The following CCDC149 variants were observed in gnomAD, a reference collection of about 807,000 sequenced individuals.
The protein encoded by CCDC149 is coiled-coil domain containing 149, also known as coiled-coil domain-containing protein 149.
CCDC149 carries 45 observed loss-of-function variants against 59.9 expected under a neutral mutation model. The observed-to-expected ratio is 0.75, with a 90% CI of 0.59 to 0.96. The LOEUF (loss-of-function observed/expected upper bound fraction) is 0.96, where lower values mean the gene tolerates loss of function less well. Ranked by LOEUF, CCDC149 falls within the 40% of genes least tolerant of loss-of-function variation. The pLI is 0.00. For synonymous variants in CCDC149, 245 were observed against 260.6 expected (o/e 0.94, Z 0.58); for missense variants, 584 against 664.7 (o/e 0.88, Z 1.33).
At chr4:24,838,112 C>G (rs1280893432) in intron 5 of CCDC149, 44 bp downstream of exon 5, 2 of 1,414,548 alleles carry the variant, frequency 1.4e-6, no homozygotes, top group African/African-American at 2.8e-5. Context: ...TTGTGTCCAG[C>G]TGTGCAAATG....
intron 3 of CCDC149, among the ~76,000 whole-genome samples, chr4:24,856,973 G>T (rs1334097902): frequency 1.3e-5 from 2 of 152,220 alleles, no homozygotes; most frequent in Non-Finnish European, 2.9e-5. Context: ...GCACATTCAG[G>T]TGAATCTCAG....
chr4:24,836,545 G>A lies in CCDC149; in HGVS notation c.663-37C>T. ...TACATAAAACTAGGAGGTGTTTAAGGGCTAAATAAAAAACACACACTGAAG... is the reference window on the plus strand; with the variant it reads ...TACATAAAACTAGGAGGTGTTTAAGAGCTAAATAAAAAACACACACTGAAG... On this transcript the variant is annotated intron_variant, in intron 6 of 12. Coordinates refer to ENST00000635206, the MANE Select transcript of CCDC149 (RefSeq NM_001330643.2). The A allele has an allele frequency of 2.1e-6, 3 of 1,407,364 alleles. No individual in the cohort carries two copies. The South Asian group carries it at 3.6e-5, about 17-fold the overall frequency. The allele number at this position is 1,407,364 out of a possible 1,614,324, so 87.2% of individuals were successfully genotyped here. A position where few individuals can be genotyped will look rare whatever the true frequency, so the allele number is the denominator to read the frequency against.
intron 1 of CCDC149, among the ~76,000 whole-genome samples, chr4:24,899,066 T>C (rs1324066179): frequency 1.3e-5 from 2 of 152,154 alleles, no homozygotes; most frequent in African/African-American, 4.8e-5. Context: ...GGTAAAATCA[T>C]TTCAATGCTT....
intron 2 of CCDC149, 145 bp from the exon 3 acceptor site, chr4:24,873,864 A>G (rs1042213251): frequency 6.5e-6 from 4 of 616,694 alleles, no homozygotes; most frequent in African/African-American, 3.7e-5. Context: ...AGCAAGCTCA[A>G]ATATACTTTA....
chr4:24,825,739 C>T (rs569638307), intron 9 of CCDC149, among the ~76,000 whole-genome samples: 1 of 150,274 alleles, frequency 6.7e-6, no homozygotes, highest in Non-Finnish European at 1.5e-5. Context: ...CGCCACTGCA[C>T]TCCGACCTGG....
intron 10 of CCDC149, 99 bp from the exon 11 acceptor site, chr4:24,821,186 A>G (rs1715367366): frequency 7.3e-6 from 4 of 550,048 alleles, no homozygotes; most frequent in Non-Finnish European, 1.1e-5. Context: ...AATTCTCGGC[A>G]TTTGTTCACT....
chr4:24,818,019 G>C (rs1715128957), intron 12 of CCDC149, among the ~76,000 whole-genome samples: 1 of 152,108 alleles, frequency 6.6e-6, no homozygotes, highest in Non-Finnish European at 1.5e-5. Context: ...TTTATTCTAT[G>C]GTAGCAGGAT....
At position 24,819,847 on chromosome 4, in the gene CCDC149, A is replaced by G. The variant is rs2109103956; in HGVS notation, c.1192+12T>C. On this transcript the variant is annotated intron_variant, in intron 12 of 12. Transcript: ENST00000635206. ...AGTCCAGGTAAAGATGGAGAAATCG[A>G]GGCGTGCTTACCATCCTTGGGATCT... 6.5e-7 allele frequency: 1 copy of G among 1,537,138 alleles called. No individual in the cohort carries two copies. Among genetic ancestry groups the G allele is most frequent in the Non-Finnish European group, 8.8e-7 (1 of 1,133,672 alleles).
At chr4:24,912,210 T>C (rs968551717) in intron 1 of CCDC149, among the ~76,000 whole-genome samples, 6 of 152,200 alleles carry the variant, frequency 3.9e-5, no homozygotes, top group African/African-American at 1.2e-4. Flanking sequence ...TGTTCTGTGC[T>C]TCCACAAATC....
intron 1 of CCDC149, among the ~76,000 whole-genome samples, chr4:24,962,786 T>G (rs1258750866): frequency 2.0e-5 from 3 of 151,784 alleles, no homozygotes; most frequent in African/African-American, 7.3e-5. Flanking sequence ...TAATGTTAAG[T>G]GACGAGTTAG....
chr4:24,823,357 T>C (rs1715531882), intron 9 of CCDC149, among the ~76,000 whole-genome samples: 1 of 152,216 alleles, frequency 6.6e-6, no homozygotes. Flanking sequence ...TTTCACTACA[T>C]GCATGGATAG....
intron 2 of CCDC149, among the ~76,000 whole-genome samples, chr4:24,874,256 TTTTG>T (rs1719258197): frequency 1.8e-5 from 1 of 55,562 alleles, no homozygotes; most frequent in South Asian, 6.0e-4. Flanking sequence ...TTTTTTTTTT[TTTTG>T]TTTTGTTTTT....
intron 1 of CCDC149, among the ~76,000 whole-genome samples, chr4:24,962,790 G>C (rs905196041): frequency 6.6e-6 from 1 of 151,956 alleles, no homozygotes; most frequent in Non-Finnish European, 1.5e-5. Context: ...GTTAAGTGAC[G>C]AGTTAGTGGG....
upstream of CCDC149, among the ~76,000 whole-genome samples, chr4:24,914,113 T>C (rs1319700660): frequency 6.6e-6 from 1 of 152,168 alleles, no homozygotes. Context: ...GAAATGGATG[T>C]TATCCTCATT....
intron 3 of CCDC149, among the ~76,000 whole-genome samples, chr4:24,864,110 C>T (rs762158302): frequency 1.4e-4 from 22 of 152,282 alleles, no homozygotes; most frequent in African/African-American, 3.8e-4. Flanking sequence ...TTCTAACACC[C>T]GGCGTGGGCC....
intron 1 of CCDC149, chr4:24,894,964 G>C (rs1720753984): frequency 6.5e-7 from 1 of 1,535,882 alleles, no homozygotes; most frequent in Non-Finnish European, 8.7e-7. Flanking sequence ...TAGGCTTAAA[G>C]TCCCATGCAG....
intron 12 of CCDC149, among the ~76,000 whole-genome samples, chr4:24,815,792 AT>A (rs1170808104): frequency 6.6e-6 from 1 of 152,172 alleles, no homozygotes. Context: ...CTCTTTTAAT[AT>A]GGGAAACCTC....
rs1577491885 is a variant in CCDC149, at chr4:24,932,643, C to T, written c.-64-37525G>A. Among the ~76,000 whole-genome samples the T allele has an allele frequency of 2.0e-5, 3 of 152,246 alleles. No homozygotes were observed. In the South Asian group the frequency reaches 6.2e-4, roughly 32 times the overall value. On this transcript the variant is annotated intron_variant, in intron 1 of 12. Transcript: ENST00000389609. ...CTTTCCTTTTCTTTAAATGTGGATT[C>T]CTGGTAAGCTGTAATCCCCTCCCAT...
chr4:24,899,934 G>T (rs531594709), intron 1 of CCDC149, among the ~76,000 whole-genome samples: 3 of 152,182 alleles, frequency 2.0e-5, no homozygotes, highest in African/African-American at 7.2e-5. Flanking sequence ...CTTGCATTTT[G>T]CTATGTCTGT....
Sources: gnomAD v4.1 joint callset for allele counts (sites outside exome capture counted in the v4.1 genomes callset) on GRCh38, gnomAD v4.1.1 for gene constraint, MANE v1.5 for transcripts, NCBI Gene and HGNC (gene_info 2026-07-23, HGNC 2026-07-21) for gene names.